The following TSPAN9 variants were observed in gnomAD, a reference collection of about 807,000 sequenced individuals.
The protein encoded by TSPAN9 is tetraspanin-9.
Under a neutral mutation model 31.0 loss-of-function variants are expected in TSPAN9, and 16 were observed. The ratio of observed to expected loss-of-function variants is 0.52; its 90% confidence interval spans 0.35 to 0.78. The LOEUF (loss-of-function observed/expected upper bound fraction) is 0.78. Ranked by LOEUF, TSPAN9 falls within the 30% of genes least tolerant of loss-of-function variation. The pLI is 0.01. For synonymous variants in TSPAN9, 145 were observed against 121.6 expected, an observed-to-expected ratio of 1.19 and a Z score of -1.27; for missense variants, 272 against 312.5, an observed-to-expected ratio of 0.87 and a Z score of 0.98.
intron 3 of TSPAN9, among the ~76,000 whole-genome samples, chr12:3,202,631 C>T (rs181725045): frequency 3.4e-4 from 51 of 152,204 alleles, no homozygotes; most frequent in Admixed American, 9.2e-4. Flanking sequence ...TCACTAGTTA[C>T]ATGCCATCTG....
At chr12:3,120,136 A>T (rs1038964669) in intron 2 of TSPAN9, among the ~76,000 whole-genome samples, 11 of 152,198 alleles carry the variant, frequency 7.2e-5, no homozygotes, top group African/African-American at 2.7e-4. Flanking sequence ...TTTACTTTTC[A>T]GCTGGTGTTA....
At chr12:3,212,570 G>A (rs1277440187) in intron 3 of TSPAN9, among the ~76,000 whole-genome samples, 2 of 152,198 alleles carry the variant, frequency 1.3e-5, no homozygotes, top group Non-Finnish European at 2.9e-5. Context: ...ACTGCATCTA[G>A]CCTAGAGACT....
intron 2 of TSPAN9, among the ~76,000 whole-genome samples, chr12:3,136,808 C>T (rs58304905): frequency 0.43 from 65,801 of 151,984 alleles, 14,715 homozygotes; most frequent in Admixed American, 0.53. Context: ...GCCATCCGCT[C>T]CCGCCATAGT....
At chr12:3,167,179 T>C (rs1270460233) in intron 2 of TSPAN9, among the ~76,000 whole-genome samples, 1 of 152,172 alleles carries the variant, frequency 6.6e-6, no homozygotes, top group Admixed American at 6.5e-5. Flanking sequence ...TTAAAAAAAA[T>C]AAGATTCATC....
chr12:3,203,857 G>A (rs1858545250), intron 3 of TSPAN9, among the ~76,000 whole-genome samples: 1 of 152,198 alleles, frequency 6.6e-6, no homozygotes, highest in African/African-American at 2.4e-5. Context: ...TGGCCAGGAT[G>A]TGGGGGCTGT....
chr12:3,173,910 CA>C (rs1316699958), intron 2 of TSPAN9: 2 of 152,210 alleles, frequency 1.3e-5, no homozygotes, highest in African/African-American at 4.8e-5. Flanking sequence ...GCCCATCTAC[CA>C]AGTGAAATGC....
chr12:3,188,712 C>T (rs570880764), intron 2 of TSPAN9, among the ~76,000 whole-genome samples: 44 of 152,146 alleles, frequency 2.9e-4, no homozygotes, highest in Non-Finnish European at 5.7e-4. Flanking sequence ...ATTCTCAGAG[C>T]TCCAGGCTGG....
intron 2 of TSPAN9, among the ~76,000 whole-genome samples, chr12:3,092,155 G>A (rs1057069089): frequency 2.0e-5 from 3 of 152,174 alleles, no homozygotes; most frequent in South Asian, 4.1e-4. Flanking sequence ...CTGAGGGCTC[G>A]CTAGCTTGAG....
chr12:3,182,480 A>G (rs1488707247), intron 2 of TSPAN9, among the ~76,000 whole-genome samples: 2 of 144,238 alleles, frequency 1.4e-5, no homozygotes, highest in Admixed American at 1.4e-4. Context: ...TTTTTTTTTC[A>G]CTAGATACCA....
rs907890184 is a variant in TSPAN9, at chr12:3,285,000, T to G, written c.*1884T>G. 1.3e-5 allele frequency: 2 copies of G among 151,464 alleles called. No individual in the cohort carries two copies. The highest frequency in any genetic ancestry group is 4.9e-5 in the African/African-American group (2 of 41,160). The allele number at this position is 151,464 out of a possible 1,614,324, so 9.4% of individuals were successfully genotyped here. A position where few individuals can be genotyped will look rare whatever the true frequency, so the allele number is the denominator to read the frequency against. On this transcript the variant is annotated 3_prime_UTR_variant, in exon 9 of 9. Coordinates refer to ENST00000011898, the MANE Select transcript of TSPAN9 (RefSeq NM_006675.5). ...GTTTTGTGGGGGTGGGAGTGGAGAG[T>G]AGGGTGGTCTTGTGAGTTGTGCAGG...
chr12:3,199,736 C>T (rs2098370110), intron 2 of TSPAN9, among the ~76,000 whole-genome samples: 1 of 152,132 alleles, frequency 6.6e-6, no homozygotes, highest in Admixed American at 6.5e-5. Context: ...CCCGTGCGTG[C>T]GCGCCGAGGG....
chr12:3,219,710 G>C (rs191054695), intron 3 of TSPAN9, among the ~76,000 whole-genome samples: 1 of 152,270 alleles, frequency 6.6e-6, no homozygotes, highest in Non-Finnish European at 1.5e-5. Context: ...GGCCTGTCGG[G>C]GGGTGAGGAG....
intron 1 of TSPAN9, among the ~76,000 whole-genome samples, chr12:3,082,935 G>A (rs11062494): frequency 0.4 from 60,592 of 151,936 alleles, 13,844 homozygotes; most frequent in African/African-American, 0.63. Context: ...GACCCCTCAC[G>A]ATCTCAAGAA....
In TSPAN9 at chr12:3,162,931, C is replaced by T. The variant is rs562774171; in HGVS notation, c.-17-38246C>T. Reference sequence around the variant, plus strand: ...TGTCAAGGTAGGGGCAGCAGAACGTCGGAGGGACACGTCTTCTCCTTCCTC... The same window carrying T: ...TGTCAAGGTAGGGGCAGCAGAACGTTGGAGGGACACGTCTTCTCCTTCCTC... On this transcript the variant is annotated intron_variant, in intron 2 of 8. Coordinates refer to ENST00000011898, the MANE Select transcript of TSPAN9 (RefSeq NM_006675.5). Among the ~76,000 whole-genome samples, 15 of 152,328 alleles carry T rather than the reference C, an allele frequency of 9.8e-5. No individual in the cohort carries two copies. In the East Asian group the frequency reaches 1.5e-3, roughly 16 times the overall value.
intron 2 of TSPAN9, among the ~76,000 whole-genome samples, chr12:3,105,851 C>G (rs1221617458): frequency 8.3e-6 from 1 of 120,202 alleles, no homozygotes; most frequent in African/African-American, 3.4e-5. Context: ...CACGCTCACA[C>G]ACGTTCACAC....
intron 3 of TSPAN9, among the ~76,000 whole-genome samples, chr12:3,271,065 G>T (rs1275428418): frequency 6.6e-6 from 1 of 152,226 alleles, no homozygotes; most frequent in Non-Finnish European, 1.5e-5. Context: ...AATGTAACTG[G>T]GTTGTAGATA....
In TSPAN9 at chr12:3,283,633, T is replaced by C. The variant is rs1862948225; in HGVS notation, c.*517T>C. ...CTTACAATGTAACTTTTTTATTTTA[T>C]TTTACTCTATGATTATTCAGGAATA... On this transcript the variant is annotated 3_prime_UTR_variant, in exon 9 of 9. Coordinates refer to ENST00000011898, the MANE Select transcript of TSPAN9 (RefSeq NM_006675.5). The C allele has an allele frequency of 6.5e-6, 1 of 153,008 alleles. No individual in the cohort carries two copies. Among genetic ancestry groups the C allele is most frequent in the Admixed American group, 6.5e-5 (1 of 15,302 alleles). 9.5% of individuals were successfully genotyped at this position (153,008 alleles called of 1,614,324 possible). A position where few individuals can be genotyped will look rare whatever the true frequency, so the allele number is the denominator to read the frequency against.
intron 3 of TSPAN9, among the ~76,000 whole-genome samples, chr12:3,244,815 T>C (rs1217448641): frequency 6.6e-6 from 1 of 152,126 alleles, no homozygotes; most frequent in Admixed American, 6.5e-5. Context: ...CCAGCCAGGT[T>C]CGGTGGAGTC....
intron 3 of TSPAN9, among the ~76,000 whole-genome samples, chr12:3,226,762 A>T (rs868348799): frequency 2.2e-3 from 3 of 1,382 alleles, no homozygotes; most frequent in Non-Finnish European, 1.7e-3. Context: ...ATATATATAT[A>T]TATATATATA....
Sources: allele counts gnomAD v4.1 joint callset (sites outside exome capture counted in the v4.1 genomes callset), GRCh38; gene constraint gnomAD v4.1.1; transcripts MANE v1.5; gene names NCBI Gene and HGNC (gene_info 2026-07-23, HGNC 2026-07-21).